Variants in ADCK1 observed in about 807,000 individuals in gnomAD.
ADCK1 encodes the protein aarF domain containing kinase 1, also known as aarF domain-containing protein kinase 1.
A neutral mutation model predicts 52.3 loss-of-function variants in ADCK1; 41 were observed. That is an observed-to-expected ratio of 0.78 (90% CI 0.61 to 1.02). The LOEUF (loss-of-function observed/expected upper bound fraction) is 1.02, where lower values mean the gene tolerates loss of function less well. ADCK1 is among the 50% of genes least tolerant of loss of function. ADCK1 has a pLI of 0.00. For synonymous variants in ADCK1, 250 were observed against 274.6 expected (o/e 0.91, Z 0.89); for missense variants, 658 against 679.5 (o/e 0.97, Z 0.35).
chr14:77,869,387 A>G (rs1423461647), intron 4 of ADCK1, among the ~76,000 whole-genome samples: 1 of 152,068 alleles, frequency 6.6e-6, no homozygotes, highest in Admixed American at 6.5e-5. Context: ...CTCTGCCTTC[A>G]TCTTCACATG....
chr14:77,864,894 G>A (rs1315119545), intron 4 of ADCK1, among the ~76,000 whole-genome samples: 1 of 152,170 alleles, frequency 6.6e-6, no homozygotes, highest in Non-Finnish European at 1.5e-5. Context: ...CTTGGGGAAG[G>A]TCAGTCTATG....
chr14:77,822,607 C>G (rs768913565), intron 3 of ADCK1, 89 bp downstream of exon 3: 7 of 1,144,150 alleles, frequency 6.1e-6, no homozygotes, highest in Middle Eastern at 4.0e-4. Flanking sequence ...ACCTCACCCC[C>G]GCAAAGTGCT....
intron 4 of ADCK1, among the ~76,000 whole-genome samples, chr14:77,880,564 C>T (rs1360447694): frequency 6.6e-6 from 1 of 151,996 alleles, no homozygotes; most frequent in Non-Finnish European, 1.5e-5. Context: ...GAGGGTATTC[C>T]CACCTTGAGG....
At chr14:77,928,444 AAGAT>A (rs1356601032) in intron 9 of ADCK1, among the ~76,000 whole-genome samples, 1 of 150,336 alleles carries the variant, frequency 6.7e-6, no homozygotes, top group Non-Finnish European at 1.5e-5. Context: ...TTTATTAACT[AAGAT>A]AGAATTTTGT....
intron 3 of ADCK1, among the ~76,000 whole-genome samples, chr14:77,835,387 A>G (rs1392118780): frequency 6.6e-6 from 1 of 152,230 alleles, no homozygotes; most frequent in Non-Finnish European, 1.5e-5. Context: ...TTCTTTCTGT[A>G]TAACCAGAAT....
intron 7 of ADCK1, among the ~76,000 whole-genome samples, chr14:77,919,271 A>G (rs144705861): frequency 6.6e-6 from 1 of 152,322 alleles, no homozygotes. Flanking sequence ...AGTTCATTGT[A>G]TCATTCTTAT....
At chr14:77,914,397 C>G (rs112811997) in intron 7 of ADCK1, 1 of 985,426 alleles carries the variant, frequency 1.0e-6, no homozygotes, top group Non-Finnish European at 1.2e-6. Flanking sequence ...CCTTGCTATG[C>G]TTCTTCTAGT....
At chr14:77,848,126 A>T (rs2082209445) in intron 3 of ADCK1, among the ~76,000 whole-genome samples, 2 of 152,310 alleles carry the variant, frequency 1.3e-5, no homozygotes, top group South Asian at 4.1e-4. Flanking sequence ...GCTGGTCTCG[A>T]ACTCCTGGCC....
At chr14:77,801,537 A>T (rs1484478195) in intron 1 of ADCK1, among the ~76,000 whole-genome samples, 1 of 152,080 alleles carries the variant, frequency 6.6e-6, no homozygotes, top group East Asian at 1.9e-4. Context: ...TTGCTTGGCC[A>T]TTTCTCAACT....
chr14:77,864,883 G>A (rs1228514461), intron 4 of ADCK1, among the ~76,000 whole-genome samples: 1 of 152,172 alleles, frequency 6.6e-6, no homozygotes, highest in Non-Finnish European at 1.5e-5. Context: ...ATTCCTTCTT[G>A]CTTGGGGAAG....
intron 4 of ADCK1, among the ~76,000 whole-genome samples, chr14:77,864,540 T>C (rs1301091731): frequency 6.6e-6 from 1 of 152,180 alleles, no homozygotes; most frequent in African/African-American, 2.4e-5. Flanking sequence ...TTTGCATCTC[T>C]TCCTCCAGGC....
intron 3 of ADCK1, among the ~76,000 whole-genome samples, chr14:77,843,638 C>T (rs2082119484): frequency 6.6e-6 from 1 of 152,148 alleles, no homozygotes; most frequent in African/African-American, 2.4e-5. Flanking sequence ...TATTATTAAT[C>T]CCTTAAATTT....
At chr14:77,906,432 C>G (rs1271995994) in intron 6 of ADCK1, among the ~76,000 whole-genome samples, 1 of 152,182 alleles carries the variant, frequency 6.6e-6, no homozygotes, top group African/African-American at 2.4e-5. Flanking sequence ...ATTCTAGTCT[C>G]TTGCCCGCTC....
intron 7 of ADCK1, among the ~76,000 whole-genome samples, chr14:77,918,279 A>G (rs2083973497): frequency 6.6e-6 from 1 of 152,182 alleles, no homozygotes; most frequent in South Asian, 2.1e-4. Flanking sequence ...AACCACCACC[A>G]CTTGTAAAAA....
intron 6 of ADCK1, among the ~76,000 whole-genome samples, chr14:77,901,219 A>ATT (rs978180037): frequency 2.1e-5 from 3 of 143,202 alleles, no homozygotes; most frequent in African/African-American, 7.7e-5. Flanking sequence ...TAATATTTGT[A>ATT]TTTTTTTTTT....
At chr14:77,909,696 C>T (rs2083749929) in intron 7 of ADCK1, among the ~76,000 whole-genome samples, 1 of 152,170 alleles carries the variant, frequency 6.6e-6, no homozygotes, top group South Asian at 2.1e-4. Flanking sequence ...GTGCTAAGCA[C>T]AGTGCCTGGT....
At chr14:77,912,706 T>TATAAGCAGATGTCTATCC (rs1314777344) in intron 7 of ADCK1, among the ~76,000 whole-genome samples, 6 of 152,080 alleles carry the variant, frequency 3.9e-5, no homozygotes, top group Non-Finnish European at 5.9e-5. Flanking sequence ...TCTTAGCTGC[T>TATAAGCAGATGTCTATCC]ATAAGCAGAT....
chr14:77,909,262 A>G (rs2083738633), intron 7 of ADCK1, among the ~76,000 whole-genome samples: 1 of 151,176 alleles, frequency 6.6e-6, no homozygotes, highest in South Asian at 2.1e-4. Context: ...CAGCCTCCCA[A>G]GTAGCTGGGA....
intron 6 of ADCK1, chr14:77,900,636 C>A: frequency 2.2e-6 from 1 of 454,952 alleles, no homozygotes; most frequent in Non-Finnish European, 4.4e-6. Context: ...AGTTGTAAGG[C>A]CAGATGTGGG....
Sources: gnomAD v4.1 joint callset for allele counts (sites outside exome capture counted in the v4.1 genomes callset) on GRCh38, gnomAD v4.1.1 for gene constraint, MANE v1.5 for transcripts, NCBI Gene and HGNC (gene_info 2026-07-23, HGNC 2026-07-21) for gene names.